The following TRPM5 variants were observed in gnomAD, a reference collection of about 807,000 sequenced individuals.
TRPM5 encodes the protein transient receptor potential cation channel subfamily M member 5, also known as MLSN1 and TRP-related.
Under a neutral mutation model 124.9 loss-of-function variants are expected in TRPM5, and 121 were observed. The ratio of observed to expected loss-of-function variants is 0.97; its 90% CI spans 0.84 to 1.13. TRPM5 has a LOEUF of 1.13. TRPM5 is among the 50% of genes most tolerant of loss of function. TRPM5 has a pLI of 0.00. For missense variants in TRPM5, 1,643 were observed against 1,589.1 expected (o/e 1.03, Z -0.58); for synonymous variants, 781 against 700.5 (o/e 1.11, Z -1.81).
the TRPM5 span, among the ~76,000 whole-genome samples, chr11:2,440,287 A>G: frequency 6.6e-6 from 1 of 152,180 alleles, no homozygotes; most frequent in African/African-American, 2.4e-5. This position sits in a 1 kb window ranked among gnomAD's most constrained non-coding sequence, Gnocchi z 5.2. Flanking sequence ...CAATATACCT[A>G]TGTAACAAAC....
exon 13 of TRPM5, chr11:2,413,492 T>A (rs780283896): frequency 6.2e-7 from 1 of 1,611,120 alleles, no homozygotes; most frequent in South Asian, 1.1e-5. Context: ...GTGATGAGGT[T>A]GGTATAGACG....
At chr11:2,407,765 A>G (rs144913937) in exon 19 of TRPM5, 6 of 1,613,504 alleles carry the variant, frequency 3.7e-6, no homozygotes, top group African/African-American at 1.3e-5. Flanking sequence ...TCACCTGAAC[A>G]TGGCGATGAG....
chr11:2,417,701 G>T, intron 7 of TRPM5, 26 bp downstream of exon 12: 1 of 1,346,746 alleles, frequency 7.4e-7, no homozygotes, highest in Non-Finnish European at 1.0e-6. Flanking sequence ...AATGGCGCCT[G>T]CCTTGCCCAC....
At chr11:2,420,551 C>G (rs1471721889) in intron 3 of TRPM5, 146 bp from the exon 9 acceptor site, 1 of 829,568 alleles carries the variant, frequency 1.2e-6, no homozygotes, top group Admixed American at 3.1e-5. Context: ...CCCCACCCTT[C>G]AGACAAAAGG....
At chr11:2,417,984 C>T (rs558122108) in intron 6 of TRPM5, among the ~76,000 whole-genome samples, 155 bp from the exon 12 acceptor site, 5 of 152,218 alleles carry the variant, frequency 3.3e-5, no homozygotes, top group East Asian at 1.9e-4. Context: ...TGGGACCACC[C>T]GCAGACCAAG....
At chr11:2,412,619 T>C (rs1850475162) in intron 15 of TRPM5, 135 bp downstream of exon 20, 4 of 987,818 alleles carry the variant, frequency 4.0e-6, no homozygotes, top group African/African-American at 1.6e-5. Context: ...CGCTGGTGAC[T>C]GGGAAGATGG....
rs1198663246 is a variant in TRPM5, at chr11:2,404,974, TC to T, written c.3460del (p.Glu1154AsnfsTer88). On this transcript the variant is annotated frameshift_variant, in exon 24 of 24. Coordinates refer to ENST00000155858, the Ensembl canonical transcript of TRPM5. LOFTEE classifies it high-confidence loss of function. ...GGGAGGCTGGCCAGCCCCGGGTTGT[TC>T]CCAGCCATCTAAACCACCTCTGTGG... 6.2e-7 allele frequency: 1 copy of T among 1,612,538 alleles called. No individual in the cohort carries two copies. Among genetic ancestry groups the T allele is most frequent in the African/African-American group, 1.3e-5 (1 of 74,914 alleles).
At chr11:2,412,275 C>T in intron 15 of TRPM5, 22 bp from the exon 21 acceptor site, 7 of 1,586,096 alleles carry the variant, frequency 4.4e-6, no homozygotes, top group Non-Finnish European at 6.1e-6. Flanking sequence ...GTGGGCAGTC[C>T]ACTGACAGCT....
chr11:2,418,403 C>G lies in TRPM5; in HGVS notation c.715-45G>C, dbSNP rs117066192. The G allele has an allele frequency of 7.8e-6, 12 of 1,529,232 alleles. 1 individual carries two copies. The highest frequency in any genetic ancestry group is 7.4e-5 in the East Asian group (3 of 40,526). The allele number at this position is 1,529,232 out of a possible 1,614,324, so 94.7% of individuals were successfully genotyped here. On this transcript the variant is annotated intron_variant, in intron 5 of 23. Transcript: ENST00000155858. ...GAGAGCGGACCCCAGATTAGCCCGA[C>G]GACATCTGGATGCAGGTGTCAGGGG...
At position 2,414,215 on chromosome 11, in the gene TRPM5, G is replaced by A. The variant is rs375030254; in HGVS notation, c.1745-9C>T. On this transcript the variant is annotated splice_polypyrimidine_tract_variant and intron_variant, in intron 11 of 23. Transcript: ENST00000155858. ...GCACTCGGAGAAGAGGTCTGCCCCC[G>A]GAGGCCCTGGCCGCTAGGACGAGAC... is the stretch of plus-strand genomic sequence containing the variant. 3.8e-5 allele frequency: 61 copies of A among 1,605,370 alleles called. No individual in the cohort carries two copies. The highest frequency in any genetic ancestry group is 3.1e-4 in the East Asian group (14 of 44,618).
exon 15 of TRPM5, chr11:2,412,986 C>T (rs1211987565): frequency 6.2e-7 from 1 of 1,606,122 alleles, no homozygotes; most frequent in African/African-American, 1.3e-5. Flanking sequence ...ACCCTGAGCC[C>T]TCGGCGCCTC....
At chr11:2,436,213 C>T in the TRPM5 span, among the ~76,000 whole-genome samples, 1 of 152,248 alleles carries the variant, frequency 6.6e-6, no homozygotes, top group East Asian at 1.9e-4. Context: ...ACCCTGCCAG[C>T]CTTTGGGTGA....
In TRPM5 at chr11:2,405,058, G is replaced by A. The variant is rs759434514; in HGVS notation, c.3392-15C>T. On this transcript the variant is annotated splice_polypyrimidine_tract_variant and intron_variant, in intron 23 of 23. Transcript: ENST00000155858. ...GTGCTGAGAGCCTGCTGGGAAGGAA[G>A]GCCCCCCTGAGCGGTGGGAACCAGC... The A allele has an allele frequency of 6.2e-7, 1 of 1,608,414 alleles. No homozygotes were observed. The highest frequency in any genetic ancestry group is 1.1e-5 in the South Asian group (1 of 90,774).
chr11:2,423,194 T>A, upstream of TRPM5: 1 of 633,744 alleles, frequency 1.6e-6, no homozygotes, highest in Non-Finnish European at 2.7e-6. Flanking sequence ...CAGGCATCTC[T>A]GCCCCAGGGA....
At chr11:2,404,913 C>T (rs774516885) in exon 24 of TRPM5, 11 of 1,596,482 alleles carry the variant, frequency 6.9e-6, no homozygotes, top group Middle Eastern at 2.0e-4. Flanking sequence ...GAGAGGTGGC[C>T]CCACACGTGG....
chr11:2,410,277 T>C (rs1259337824), intron 18 of TRPM5, among the ~76,000 whole-genome samples: 1 of 152,130 alleles, frequency 6.6e-6, no homozygotes, highest in Non-Finnish European at 1.5e-5. Context: ...CCCGGAGGCC[T>C]GTGTTTGCTC....
the TRPM5 span, among the ~76,000 whole-genome samples, chr11:2,443,433 T>C: frequency 1.3e-5 from 2 of 152,194 alleles, no homozygotes; most frequent in Non-Finnish European, 2.9e-5. This position sits in a 1 kb window ranked among gnomAD's most constrained non-coding sequence, Gnocchi z 5.0. Context: ...GCTGCCCTTC[T>C]GCACCTTCAC....
rs541355147 is a variant in TRPM5, at chr11:2,419,816, G to A, written c.649+406C>T. Among the ~76,000 whole-genome samples the A allele has an allele frequency of 7.2e-5, 11 of 152,318 alleles. No homozygotes were observed. In the South Asian group the frequency reaches 2.3e-3, roughly 32 times the overall value. On this transcript the variant is annotated intron_variant, in intron 4 of 23. Transcript: ENST00000155858. ...GACTGGCCAGAGGTGCCCATTTCTC[G>A]GGTGACGCTGCCCTCTGGCGGCAGC...
intron 2 of TRPM5, among the ~76,000 whole-genome samples, chr11:2,421,919 C>T (rs1281560942): frequency 2.0e-5 from 3 of 151,378 alleles, no homozygotes; most frequent in Admixed American, 1.3e-4. Context: ...CTGCAGAGGA[C>T]GGGCTGAGAG....
Sources: allele counts gnomAD v4.1 joint callset (sites outside exome capture counted in the v4.1 genomes callset), GRCh38; gene constraint gnomAD v4.1.1; non-coding constraint Gnocchi (gnomAD v3.1); transcripts MANE v1.5; gene names NCBI Gene and HGNC (gene_info 2026-07-23, HGNC 2026-07-21).